Variants in TEX11 observed in about 807,000 individuals in gnomAD.
TEX11 encodes the protein testis-expressed protein 11.
Under a neutral mutation model 84.4 loss-of-function variants are expected in TEX11, and 7 were observed. The ratio of observed to expected loss-of-function variants is 0.08; its 90% CI spans 0.05 to 0.16. TEX11 has a LOEUF of 0.16. Ranked by LOEUF, TEX11 falls within the 10% of genes least tolerant of loss-of-function variation. The pLI, the probability that TEX11 is intolerant of heterozygous loss-of-function variation, is 1.00. For missense variants in TEX11, 551 were observed against 660.5 expected (o/e 0.83, Z 1.82); for synonymous variants, 264 against 222.8 (o/e 1.18, Z -1.64).
At chrX:70,587,430 A>G (rs1199924689) in intron 25 of TEX11, among the ~76,000 whole-genome samples, 1 of 112,580 alleles carries the variant, frequency 8.9e-6, no homozygotes, top group Non-Finnish European at 1.9e-5. Context: ...CATGGCTAAA[A>G]GGGGCCAACA....
intron 9 of TEX11, among the ~76,000 whole-genome samples, chrX:70,789,373 C>A (rs1208947664): frequency 2.7e-5 from 3 of 111,724 alleles, no homozygotes; most frequent in Non-Finnish European, 5.6e-5. Context: ...AAGCAAATCA[C>A]CTGAGCTTAG....
At chrX:70,643,710 C>A (rs1348343986) in intron 17 of TEX11, among the ~76,000 whole-genome samples, 176 of 103,349 alleles carry the variant, frequency 1.7e-3, no homozygotes, top group Non-Finnish European at 2.5e-3. Context: ...GGAAAACTGG[C>A]TAGCCATATG....
intron 2 of TEX11, among the ~76,000 whole-genome samples, chrX:70,883,010 G>T (rs1202540536): frequency 8.9e-6 from 1 of 112,269 alleles, no homozygotes; most frequent in Non-Finnish European, 1.9e-5. Flanking sequence ...TGACAGCATT[G>T]CAGTCCTTTA....
At chrX:70,904,055 A>C (rs977277106) in intron 2 of TEX11, among the ~76,000 whole-genome samples, 38 of 99,768 alleles carry the variant, frequency 3.8e-4, no homozygotes, top group Non-Finnish European at 7.6e-4. Context: ...CATGGGCTCA[A>C]GTATTCCTCC....
At chrX:70,528,589 G>A (rs753833925), downstream of TEX11, among the ~76,000 whole-genome samples, 120 of 109,543 alleles carry the variant, frequency 1.1e-3, no homozygotes, top group African/African-American at 3.9e-3. Flanking sequence ...GCCTCCCAAA[G>A]TGCTGGGATT....
At chrX:70,584,284 C>A (rs1478795771) in intron 25 of TEX11, among the ~76,000 whole-genome samples, 2 of 93,424 alleles carry the variant, frequency 2.1e-5, no homozygotes, top group East Asian at 3.2e-4. Context: ...AGCGAGACTC[C>A]GTCTCAAAAA....
chrX:70,881,005 C>CAAAAAAAAAAA (rs11284342), intron 2 of TEX11, among the ~76,000 whole-genome samples: 3 of 46,227 alleles, frequency 6.5e-5, no homozygotes, highest in African/African-American at 2.9e-4. Context: ...AGACATCATC[C>CAAAAAAAAAAA]AAAAAAAAAA....
chrX:70,806,468 AAAAG>A (rs999682816), intron 9 of TEX11, among the ~76,000 whole-genome samples: 1 of 110,944 alleles, frequency 9.0e-6, no homozygotes, highest in East Asian at 2.8e-4. Flanking sequence ...AAAGAAGAAA[AAAAG>A]AAAGAAAGGA....
chrX:70,688,581 G>A (rs1335835042), intron 13 of TEX11, among the ~76,000 whole-genome samples: 1 of 109,762 alleles, frequency 9.1e-6, no homozygotes, highest in Non-Finnish European at 1.9e-5. Flanking sequence ...AATAGAGAGT[G>A]AAAAGATGTG....
chrX:70,544,902 T>TA (rs200000168), intron 28 of TEX11, among the ~76,000 whole-genome samples: 3 of 105,280 alleles, frequency 2.8e-5, no homozygotes, highest in East Asian at 6.0e-4. Flanking sequence ...CCTTTTTAAT[T>TA]AAAAAAAAAA....
chrX:70,539,019 AAT>A (rs971242983), intron 28 of TEX11, among the ~76,000 whole-genome samples: 1 of 47,832 alleles, frequency 2.1e-5, no homozygotes, highest in African/African-American at 7.2e-5. Context: ...GACACTTGGA[AAT>A]ATATATATAT....
At chrX:70,594,080 C>T (rs1266369115) in intron 24 of TEX11, among the ~76,000 whole-genome samples, 1 of 111,350 alleles carries the variant, frequency 9.0e-6, no homozygotes, top group African/African-American at 3.3e-5. Context: ...AGATACATTA[C>T]AAAATGGTAA....
chrX:70,824,737 C>T (rs1461989786), intron 8 of TEX11, among the ~76,000 whole-genome samples: 2 of 111,375 alleles, frequency 1.8e-5, no homozygotes, highest in Admixed American at 1.9e-4. Flanking sequence ...GCTTATCCTA[C>T]AACCTTAATA....
At chrX:70,833,400 G>C in intron 8 of TEX11, 113 bp downstream of exon 8, 1 of 583,334 alleles carries the variant, frequency 1.7e-6, no homozygotes, top group Non-Finnish European at 2.8e-6. Context: ...AGCTACTTAT[G>C]TGGAACTGAT....
chrX:70,802,630 C>T (rs1038344152), intron 9 of TEX11, among the ~76,000 whole-genome samples: 1 of 111,027 alleles, frequency 9.0e-6, no homozygotes, highest in Admixed American at 9.7e-5. Context: ...TCTGATATTG[C>T]TGTAGGTCAG....
chrX:70,639,929 G>A (rs1478829605), intron 17 of TEX11, among the ~76,000 whole-genome samples: 1 of 112,027 alleles, frequency 8.9e-6, no homozygotes, highest in African/African-American at 3.2e-5. Flanking sequence ...GAAGGACTTT[G>A]ACGAGCTGAG....
chrX:70,618,521 A>G (rs955858756), intron 20 of TEX11, among the ~76,000 whole-genome samples: 2 of 111,697 alleles, frequency 1.8e-5, no homozygotes, highest in African/African-American at 6.5e-5. Context: ...CAAAATGCCA[A>G]TAACTGTTCT....
intron 9 of TEX11, among the ~76,000 whole-genome samples, chrX:70,745,812 A>G (rs959077731): frequency 8.9e-6 from 1 of 112,110 alleles, no homozygotes; most frequent in Non-Finnish European, 1.9e-5. Flanking sequence ...GATTGCTAAC[A>G]AAGATATAAT....
At chrX:70,654,395 G>C (rs1234891882) in intron 16 of TEX11, among the ~76,000 whole-genome samples, 1 of 110,725 alleles carries the variant, frequency 9.0e-6, no homozygotes, top group Non-Finnish European at 1.9e-5. Flanking sequence ...CAAGTGAGGA[G>C]AGAAAAAGAA....
Sources: gnomAD v4.1 joint callset for allele counts (sites outside exome capture counted in the v4.1 genomes callset) on GRCh38, gnomAD v4.1.1 for gene constraint, MANE v1.5 for transcripts, NCBI Gene and HGNC (gene_info 2026-07-23, HGNC 2026-07-21) for gene names.